The following ASAP1 variants were observed in gnomAD, a reference collection of about 807,000 sequenced individuals.
ASAP1 encodes arf-GAP with SH3 domain, ANK repeat and PH domain-containing protein 1.
A neutral mutation model predicts 145.2 loss-of-function variants in ASAP1; 43 were observed. The observed-to-expected ratio is 0.30, with a 90% confidence interval of 0.23 to 0.38. The LOEUF (loss-of-function observed/expected upper bound fraction) is 0.38. Among genes scored for constraint, ASAP1 ranks in the 10% least tolerant of loss-of-function variants. The pLI is 1.00. For missense variants in ASAP1, 1,018 were observed against 1,355.3 expected (o/e 0.75, Z 3.91); for synonymous variants, 546 against 515.5 (o/e 1.06, Z -0.80).
intron 23 of ASAP1, among the ~76,000 whole-genome samples, chr8:130,113,799 A>T (rs1182569785): frequency 4.0e-5 from 6 of 151,090 alleles, no homozygotes; most frequent in African/African-American, 1.5e-4. Flanking sequence ...CCTCTGAGAC[A>T]GGGTCTCACT....
intron 13 of ASAP1, among the ~76,000 whole-genome samples, chr8:130,148,541 C>T (rs1415783078): frequency 1.3e-5 from 2 of 152,136 alleles, no homozygotes; most frequent in African/African-American, 4.8e-5. Flanking sequence ...CTAAGTGCTG[C>T]ATAAATGGCA....
intron 1 of ASAP1, among the ~76,000 whole-genome samples, chr8:130,404,357 A>G (rs530675106): frequency 2.2e-4 from 33 of 152,340 alleles, no homozygotes; most frequent in African/African-American, 7.7e-4. Context: ...TAGCCAAAAC[A>G]ATCTTGAAAA....
chr8:130,242,815 ACT>A (rs1417158781), intron 3 of ASAP1, among the ~76,000 whole-genome samples: 1 of 152,150 alleles, frequency 6.6e-6, no homozygotes, highest in Non-Finnish European at 1.5e-5. Flanking sequence ...AAGAATTGTC[ACT>A]GTCTCCTCCT....
At chr8:130,202,651 C>T (rs936551115) in intron 5 of ASAP1, among the ~76,000 whole-genome samples, 4 of 152,154 alleles carry the variant, frequency 2.6e-5, no homozygotes, top group East Asian at 1.9e-4. Context: ...TGATAATTTA[C>T]GGCTCAGATA....
intron 3 of ASAP1, among the ~76,000 whole-genome samples, chr8:130,280,700 A>T (rs1332584506): frequency 6.6e-6 from 1 of 152,258 alleles, no homozygotes; most frequent in Non-Finnish European, 1.5e-5. Flanking sequence ...AGTCAGAATT[A>T]TCCAGTTACT....
At chr8:130,180,626 T>G in intron 8 of ASAP1, 125 bp downstream of exon 8, 2 of 1,211,162 alleles carry the variant, frequency 1.7e-6, no homozygotes, top group South Asian at 3.1e-5. Flanking sequence ...ATTAGAATCC[T>G]TAAGAAACAG....
intron 3 of ASAP1, among the ~76,000 whole-genome samples, chr8:130,333,973 T>G (rs1020012583): frequency 5.9e-5 from 9 of 152,098 alleles, no homozygotes; most frequent in Non-Finnish European, 5.9e-5. Context: ...GCTGCCAACT[T>G]CTAATGGGGA....
At chr8:130,134,942 G>A (rs1239770349) in intron 14 of ASAP1, among the ~76,000 whole-genome samples, 2 of 152,094 alleles carry the variant, frequency 1.3e-5, no homozygotes, top group Non-Finnish European at 2.9e-5. Context: ...GACATACTAT[G>A]CCCCAGATGT....
At chr8:130,402,302 G>A (rs561763066) in intron 1 of ASAP1, among the ~76,000 whole-genome samples, 44 of 152,288 alleles carry the variant, frequency 2.9e-4, no homozygotes, top group Admixed American at 2.8e-3. Flanking sequence ...GTGTGCTGAT[G>A]GATGCGACAG....
chr8:130,155,999 G>A (rs147074610), intron 12 of ASAP1, among the ~76,000 whole-genome samples: 151 of 152,262 alleles, frequency 9.9e-4, no homozygotes, highest in Admixed American at 7.8e-4. Flanking sequence ...TTGACCTCTT[G>A]GAGACTCATT....
Position 130,253,531 on chromosome 8 carries a change from C to T in ASAP1, c.187-16537G>A, listed in dbSNP as rs184437775. 2.6e-5 allele frequency among the ~76,000 whole-genome samples: 4 copies of T among 152,288 alleles called. No individual in the cohort carries two copies. In the East Asian group the frequency reaches 7.7e-4, roughly 29 times the overall value. On this transcript the variant is annotated intron_variant, in intron 3 of 29. Transcript: ENST00000518721. ...AAGGGAGATGTAGATACAAAGCCTT[C>T]CATTGAACAAGCTCTTTAGATTAGT...
chr8:130,373,655 C>T (rs530883874), intron 2 of ASAP1, among the ~76,000 whole-genome samples: 1 of 151,984 alleles, frequency 6.6e-6, no homozygotes, highest in African/African-American at 2.4e-5. Flanking sequence ...TTGAGACCAG[C>T]CTGGCCAACA....
intron 4 of ASAP1, among the ~76,000 whole-genome samples, chr8:130,230,181 A>G (rs1817828282): frequency 6.6e-6 from 1 of 152,208 alleles, no homozygotes. Context: ...CATGATGTAC[A>G]TTCCCCAAAG....
chr8:130,241,594 A>C (rs1452803395), intron 3 of ASAP1, among the ~76,000 whole-genome samples: 1 of 152,156 alleles, frequency 6.6e-6, no homozygotes, highest in Non-Finnish European at 1.5e-5. Flanking sequence ...TGGTTGACAA[A>C]ATAGTTCTAG....
intron 2 of ASAP1, among the ~76,000 whole-genome samples, chr8:130,393,186 T>C (rs1828367098): frequency 6.6e-6 from 1 of 152,196 alleles, no homozygotes; most frequent in African/African-American, 2.4e-5. Flanking sequence ...GGTTTACCAT[T>C]TTAAATGATG....
intron 3 of ASAP1, among the ~76,000 whole-genome samples, chr8:130,332,365 G>C (rs1028615294): frequency 6.6e-6 from 1 of 152,042 alleles, no homozygotes; most frequent in African/African-American, 2.4e-5. Context: ...CACACCACCT[G>C]CACTTTTTGA....
At chr8:130,166,585 T>C (rs7825499) in intron 11 of ASAP1, among the ~76,000 whole-genome samples, 17,723 of 152,142 alleles carry the variant, frequency 0.12, 1,144 homozygotes, top group Non-Finnish European at 0.15. Context: ...CATCTTCCAA[T>C]GTATCTCTAA....
chr8:130,395,631 G>A (rs146497697), intron 2 of ASAP1, among the ~76,000 whole-genome samples: 1 of 152,028 alleles, frequency 6.6e-6, no homozygotes, highest in Admixed American at 6.6e-5. Flanking sequence ...CCAACACGTT[G>A]ATCTTGAACT....
chr8:130,367,076 G>A (rs1200886915), intron 2 of ASAP1, among the ~76,000 whole-genome samples: 3 of 151,650 alleles, frequency 2.0e-5, no homozygotes, highest in Admixed American at 1.3e-4. Flanking sequence ...ATTTTTAGTA[G>A]AGACGGGGTT....
Sources: allele counts gnomAD v4.1 joint callset (sites outside exome capture counted in the v4.1 genomes callset), GRCh38; gene constraint gnomAD v4.1.1; transcripts MANE v1.5; gene names NCBI Gene and HGNC (gene_info 2026-07-23, HGNC 2026-07-21).